EYS: variants seen among roughly 807,000 people sequenced by gnomAD.
EYS encodes the protein EGF-like photoreceptor maintenance factor.
EYS carries 250 observed loss-of-function variants against 282.1 expected under a neutral mutation model. That is an observed-to-expected ratio of 0.89 (90% CI 0.80 to 0.98). EYS has a LOEUF of 0.98. Among genes scored for constraint, EYS ranks in the 50% least tolerant of loss-of-function variants. The pLI, the probability that EYS is intolerant of heterozygous loss-of-function variation, is 0.00. For missense variants in EYS, 4,016 were observed against 3,709.0 expected, an observed-to-expected ratio of 1.08 and a Z score of -2.15; for synonymous variants, 1,355 against 1,282.9, an observed-to-expected ratio of 1.06 and a Z score of -1.20.
intron 22 of EYS, among the ~76,000 whole-genome samples, chr6:64,649,814 G>A (rs1361644697): frequency 6.6e-6 from 1 of 151,980 alleles, no homozygotes; most frequent in Non-Finnish European, 1.5e-5. Context: ...CAAAAAATTA[G>A]GATTTTTAAT....
intron 2 of EYS, among the ~76,000 whole-genome samples, chr6:65,541,912 A>G (rs1269932354): frequency 6.6e-6 from 1 of 152,158 alleles, no homozygotes; most frequent in Admixed American, 6.5e-5. Context: ...ATGGAATGCA[A>G]TTACCTGGGA....
intron 26 of EYS, among the ~76,000 whole-genome samples, chr6:64,509,269 A>G (rs974449038): frequency 6.6e-6 from 1 of 152,110 alleles, no homozygotes; most frequent in Non-Finnish European, 1.5e-5. Flanking sequence ...GTATTTGCTG[A>G]AACAGTCAAA....
At chr6:63,999,815 A>G (rs1767996265) in intron 33 of EYS, among the ~76,000 whole-genome samples, 1 of 152,268 alleles carries the variant, frequency 6.6e-6, no homozygotes, top group Non-Finnish European at 1.5e-5. Context: ...CAGAGTTTAT[A>G]GAATGATGCA....
intron 22 of EYS, among the ~76,000 whole-genome samples, chr6:64,728,146 T>C (rs990918529): frequency 1.3e-5 from 2 of 152,050 alleles, no homozygotes; most frequent in African/African-American, 4.8e-5. Context: ...CTTTTGGGCA[T>C]TGGCAGGAGC....
chr6:63,832,393 C>T (rs920506668), intron 36 of EYS, among the ~76,000 whole-genome samples: 15 of 152,046 alleles, frequency 9.9e-5, no homozygotes, highest in South Asian at 6.2e-4. Context: ...ATATCACCAC[C>T]GATCCCACAG....
intron 1 of EYS, among the ~76,000 whole-genome samples, chr6:65,686,818 G>A (rs574896626): frequency 6.6e-6 from 1 of 152,120 alleles, no homozygotes; most frequent in Admixed American, 6.6e-5. Flanking sequence ...GAGAGATGAT[G>A]AATACCTGAA....
At chr6:64,318,661 G>T (rs1001846839) in intron 29 of EYS, among the ~76,000 whole-genome samples, 10 of 151,384 alleles carry the variant, frequency 6.6e-5, no homozygotes, top group African/African-American at 2.4e-4. Context: ...AATTTTTTTG[G>T]AGTTGAAATG....
chr6:64,815,384 T>G (rs1226106903), intron 21 of EYS, among the ~76,000 whole-genome samples: 2 of 152,050 alleles, frequency 1.3e-5, no homozygotes, highest in Non-Finnish European at 2.9e-5. Flanking sequence ...AATGATTTAT[T>G]AGAAAACATT....
intron 12 of EYS, among the ~76,000 whole-genome samples, chr6:65,100,764 A>T (rs902029384): frequency 6.0e-5 from 9 of 149,682 alleles, no homozygotes; most frequent in African/African-American, 2.2e-4. Flanking sequence ...CTGCCTCTAT[A>T]AAAGCTCCAA....
chr6:65,088,056 C>T (rs540487926), intron 12 of EYS, among the ~76,000 whole-genome samples: 103 of 152,288 alleles, frequency 6.8e-4, no homozygotes, highest in African/African-American at 2.4e-3. Context: ...TCTGCTTCTC[C>T]TTTGTCCTCT....
At chr6:64,695,954 A>G (rs1229928807) in intron 22 of EYS, among the ~76,000 whole-genome samples, 1 of 152,164 alleles carries the variant, frequency 6.6e-6, no homozygotes, top group African/African-American at 2.4e-5. Context: ...TATTTTTTTT[A>G]AAGGTACTAT....
At chr6:64,506,540 G>T (rs2150515640) in intron 26 of EYS, among the ~76,000 whole-genome samples, 1 of 152,254 alleles carries the variant, frequency 6.6e-6, no homozygotes, top group East Asian at 1.9e-4. Flanking sequence ...GTCCCTCATA[G>T]CACTCTGCTG....
At chr6:64,322,458 A>C (rs1406264301) in intron 29 of EYS, among the ~76,000 whole-genome samples, 5 of 152,032 alleles carry the variant, frequency 3.3e-5, no homozygotes, top group African/African-American at 1.2e-4. Context: ...AATTCATATA[A>C]AATTATATTT....
At chr6:64,764,397 T>C (rs1470026528) in intron 22 of EYS, among the ~76,000 whole-genome samples, 1 of 152,230 alleles carries the variant, frequency 6.6e-6, no homozygotes, top group Non-Finnish European at 1.5e-5. Flanking sequence ...GCCTGAGATG[T>C]ATGTTGGCCC....
intron 36 of EYS, among the ~76,000 whole-genome samples, chr6:63,861,133 A>C (rs1772520869): frequency 6.6e-6 from 1 of 152,152 alleles, no homozygotes; most frequent in Non-Finnish European, 1.5e-5. Context: ...TCATTTGTAC[A>C]AAATAAAACT....
intron 31 of EYS, among the ~76,000 whole-genome samples, chr6:64,127,531 G>A (rs1562214957): frequency 6.6e-6 from 1 of 151,850 alleles, no homozygotes; most frequent in Admixed American, 6.6e-5. Flanking sequence ...TGTTCAAAAT[G>A]ATTTCTCCAT....
intron 2 of EYS, among the ~76,000 whole-genome samples, chr6:65,503,522 C>G (rs1766537364): frequency 6.6e-6 from 1 of 151,576 alleles, no homozygotes; most frequent in South Asian, 2.1e-4. Context: ...AATGTATTGC[C>G]AAGCCCAGGG....
chr6:65,627,969 C>G (rs112357537), intron 2 of EYS, among the ~76,000 whole-genome samples: 23 of 152,214 alleles, frequency 1.5e-4, no homozygotes, highest in African/African-American at 5.5e-4. Flanking sequence ...CCTGCAGCCC[C>G]GGTGCGGGAT....
intron 12 of EYS, among the ~76,000 whole-genome samples, chr6:65,219,328 G>C (rs1052960199): frequency 1.3e-5 from 2 of 152,116 alleles, no homozygotes; most frequent in African/African-American, 4.8e-5. Flanking sequence ...ATTTTCAGTA[G>C]AGGAAAAATA....
Sources: gnomAD v4.1 joint callset for allele counts (sites outside exome capture counted in the v4.1 genomes callset) on GRCh38, gnomAD v4.1.1 for gene constraint, MANE v1.5 for transcripts, NCBI Gene and HGNC (gene_info 2026-07-23, HGNC 2026-07-21) for gene names.